The following CDKL3 variants were observed in gnomAD, a reference collection of about 807,000 sequenced individuals.
CDKL3 encodes cyclin dependent kinase like 3, also known as cyclin-dependent kinase-like 3.
A neutral mutation model predicts 69.3 loss-of-function variants in CDKL3; 65 were observed. The ratio of observed to expected loss-of-function variants is 0.94; its 90% CI spans 0.77 to 1.15. The LOEUF (loss-of-function observed/expected upper bound fraction) is 1.15, where lower values mean the gene tolerates loss of function less well. Among genes scored for constraint, CDKL3 ranks in the 50% most tolerant of loss-of-function variants. CDKL3 has a pLI of 0.00. For missense variants in CDKL3, 652 were observed against 689.2 expected (o/e 0.95, Z 0.61); for synonymous variants, 202 against 221.6 (o/e 0.91, Z 0.79).
chr5:134,298,733 T>C (rs759293279), intron 12 of CDKL3, 23 bp from the exon 13 acceptor site: 14 of 1,608,394 alleles, frequency 8.7e-6, no homozygotes, highest in Non-Finnish European at 1.1e-5. Flanking sequence ...ACCAAGCTAG[T>C]AAGAATCAGG....
At chr5:134,332,955 C>T (rs952244184) in intron 4 of CDKL3, among the ~76,000 whole-genome samples, 4 of 152,158 alleles carry the variant, frequency 2.6e-5, no homozygotes, top group Non-Finnish European at 4.4e-5. Flanking sequence ...TTGTTTGTGT[C>T]CTCTCTTATT....
Position 134,350,860 on chromosome 5 carries a change from AAAAG to A in CDKL3, c.361-437_361-434del, listed in dbSNP as rs1219349091. On this transcript the variant is annotated intron_variant, in intron 3 of 12. Coordinates refer to ENST00000265334, the MANE Select transcript of CDKL3 (RefSeq NM_001113575.2). ...AAAAAAAAAAGAAAAAAAGAAAGAAAAAAGAAAGAAAGAAAAATAACTTATTGAA... is the reference window on the plus strand; with the variant it reads ...AAAAAAAAAAGAAAAAAAGAAAGAAAAAAGAAAGAAAAATAACTTATTGAA... Among the ~76,000 whole-genome samples, 536 of 151,836 alleles carry A rather than the reference AAAAG, an allele frequency of 3.5e-3. 2 individuals carry two copies. The highest frequency in any genetic ancestry group is 0.012 in the African/African-American group (501 of 41,478).
rs1383497311 is a variant in CDKL3, at chr5:134,319,334, G to A, written c.792+24C>T. Reference sequence around the variant, plus strand: ...GACAGAGCAAGACTCTGTCTCCGGGGGAGGAAAAAAAAAAAAAACATACAT... The same window carrying A: ...GACAGAGCAAGACTCTGTCTCCGGGAGAGGAAAAAAAAAAAAAACATACAT... On this transcript the variant is annotated intron_variant, in intron 6 of 12. Coordinates refer to ENST00000265334, the MANE Select transcript of CDKL3 (RefSeq NM_001113575.2). 1.4e-5 allele frequency: 20 copies of A among 1,469,076 alleles called. No homozygotes were observed. In the East Asian group the frequency reaches 3.8e-4, roughly 28 times the overall value. 91.0% of individuals were successfully genotyped at this position (1,469,076 alleles called of 1,614,324 possible).
chr5:134,325,379 T>A (rs1222034926), intron 4 of CDKL3, among the ~76,000 whole-genome samples: 1 of 152,216 alleles, frequency 6.6e-6, no homozygotes, highest in East Asian at 1.9e-4. Flanking sequence ...ATAGATGATA[T>A]AATAGTAACT....
chr5:134,371,613 G>C, upstream of CDKL3: 1 of 1,613,182 alleles, frequency 6.2e-7, no homozygotes, highest in Non-Finnish European at 8.5e-7. Flanking sequence ...CCCCGGCCCG[G>C]AGGAGGCTCA....
At chr5:134,355,253 A>C (rs969327031) in intron 3 of CDKL3, among the ~76,000 whole-genome samples, 5 of 151,994 alleles carry the variant, frequency 3.3e-5, no homozygotes, top group South Asian at 4.1e-4. Flanking sequence ...AAAAAAAAAA[A>C]AAACAGATAT....
Position 134,308,280 on chromosome 5 carries a change from G to C in CDKL3, c.1222C>G (p.Pro408Ala), listed in dbSNP as rs759565531. Residue 408 changes from proline (P) to alanine (A), a missense_variant, in exon 9 of 13, where the codon CCT (proline) becomes GCT (alanine). Physicochemically the swap from Pro to Ala is conservative, Grantham distance 27. Coordinates refer to ENST00000265334, the MANE Select transcript of CDKL3 (RefSeq NM_001113575.2). ...TKLVTIEPPN[P>A]INPSTNCNGL... Reference sequence around the variant, plus strand: ...TTACAGTTAGTGCTGGGATTGATAGGGTTTGGTGGTTCAATGGTTACAAGT... The same window carrying C: ...TTACAGTTAGTGCTGGGATTGATAGCGTTTGGTGGTTCAATGGTTACAAGT... 6 of 1,613,770 alleles carry C rather than the reference G, an allele frequency of 3.7e-6. No homozygotes were observed. Among genetic ancestry groups the C allele is most frequent in the African/African-American group, 1.3e-5 (1 of 74,888 alleles).
chr5:134,289,532 T>C (rs1051364116), intron 8 of CDKL3, among the ~76,000 whole-genome samples: 4 of 152,196 alleles, frequency 2.6e-5, no homozygotes, highest in Admixed American at 1.3e-4. Flanking sequence ...CCTGAGACTT[T>C]GGAGGAAACC....
At chr5:134,292,512 A>G (rs1333443737) in intron 8 of CDKL3, among the ~76,000 whole-genome samples, 5 of 152,128 alleles carry the variant, frequency 3.3e-5, no homozygotes, top group African/African-American at 7.2e-5. Context: ...GTCTCAAATC[A>G]ATGACCGCAG....
At chr5:134,303,746 A>G (rs1160880669) in intron 11 of CDKL3, among the ~76,000 whole-genome samples, 1 of 150,994 alleles carries the variant, frequency 6.6e-6, no homozygotes, top group East Asian at 2.0e-4. Flanking sequence ...GCTACTCAGG[A>G]GGCTAGGCAC....
chr5:134,330,123 C>T (rs1009360700), intron 4 of CDKL3, among the ~76,000 whole-genome samples: 1 of 152,078 alleles, frequency 6.6e-6, no homozygotes. Flanking sequence ...AGCAGTGATA[C>T]AAGCCATTTA....
At chr5:134,299,870 G>A in intron 12 of CDKL3, 1 of 639,350 alleles carries the variant, frequency 1.6e-6, no homozygotes, top group Non-Finnish European at 2.6e-6. Context: ...AAGGTACAGG[G>A]AAACTATTTA....
chr5:134,367,293 G>A, upstream of CDKL3: 3 of 985,252 alleles, frequency 3.0e-6, no homozygotes, highest in Non-Finnish European at 3.6e-6. Context: ...GAATGGGGGA[G>A]GGGAGTACAG....
intron 4 of CDKL3, among the ~76,000 whole-genome samples, chr5:134,339,837 A>T (rs1581106450): frequency 6.6e-6 from 1 of 152,198 alleles, no homozygotes; most frequent in African/African-American, 2.4e-5. Context: ...GTACAAGGTG[A>T]AATCAAAAGG....
chr5:134,319,512 A>C lies in CDKL3; in HGVS notation c.653-15T>G. 2 of 1,512,846 alleles carry C rather than the reference A, an allele frequency of 1.3e-6. No individual in the cohort carries two copies. Among genetic ancestry groups the C allele is most frequent in the Non-Finnish European group, 1.8e-6 (2 of 1,132,158 alleles). The allele number at this position is 1,512,846 out of a possible 1,614,324, so 93.7% of individuals were successfully genotyped here. A position where few individuals can be genotyped will look rare whatever the true frequency, so the allele number is the denominator to read the frequency against. ...TGACAAATTGCCTGAAAAGAGAAAAAAATGTATATTTAAAAAACAGAGAAA... is the reference window on the plus strand; with the variant it reads ...TGACAAATTGCCTGAAAAGAGAAAACAATGTATATTTAAAAAACAGAGAAA... On this transcript the variant is annotated splice_polypyrimidine_tract_variant and intron_variant, in intron 5 of 12. Transcript: ENST00000265334.
intron 5 of CDKL3, 88 bp downstream of exon 5, chr5:134,321,703 C>A (rs898411030): frequency 4.3e-5 from 32 of 746,724 alleles, no homozygotes; most frequent in Non-Finnish European, 6.6e-5. Context: ...TGTACTTACA[C>A]AGAAAAGCTA....
At chr5:134,299,001 T>C (rs767671959) in intron 12 of CDKL3, among the ~76,000 whole-genome samples, 35 of 151,952 alleles carry the variant, frequency 2.3e-4, no homozygotes, top group Non-Finnish European at 4.1e-4. Context: ...CACCTCTGAG[T>C]AGCTGGGATT....
At chr5:134,370,136 T>C, upstream of CDKL3, among the ~76,000 whole-genome samples, 1 of 152,170 alleles carries the variant, frequency 6.6e-6, no homozygotes, top group East Asian at 1.9e-4. Flanking sequence ...TCTGCTTCCA[T>C]GGAATCAGGG....
In CDKL3 at chr5:134,336,207, C is replaced by A. The variant is rs932511132; in HGVS notation, c.539+14042G>T. Among the ~76,000 whole-genome samples, 9 of 152,278 alleles carry A rather than the reference C, an allele frequency of 5.9e-5. No homozygotes were observed. In the South Asian group the frequency reaches 1.7e-3, roughly 28 times the overall value. On this transcript the variant is annotated intron_variant, in intron 4 of 12. Transcript: ENST00000265334. The stretch of plus-strand genomic sequence containing the variant: ...TAAGCTCTTCTCTATACTGGTTATT[C>A]TAGTTAGCCATTCGTCTAACCTTTT...
Sources: allele counts gnomAD v4.1 joint callset (sites outside exome capture counted in the v4.1 genomes callset), GRCh38; gene constraint gnomAD v4.1.1; transcripts MANE v1.5; gene names NCBI Gene and HGNC (gene_info 2026-07-23, HGNC 2026-07-21).